BRMS1L: variants seen among roughly 807,000 people sequenced by gnomAD.
The protein encoded by BRMS1L is BRMS1 like transcriptional repressor, also known as breast cancer metastasis-suppressor 1-like protein.
A neutral mutation model predicts 50.3 loss-of-function variants in BRMS1L; 23 were observed. That is an observed-to-expected ratio of 0.46 (90% confidence interval 0.33 to 0.65). BRMS1L has a LOEUF of 0.65. Among genes scored for constraint, BRMS1L ranks in the 30% least tolerant of loss-of-function variants. The probability of loss-of-function intolerance (pLI) is 0.02; values close to 1 mark genes in which losing one functional copy is unlikely to be tolerated. For synonymous variants in BRMS1L, 114 were observed against 126.9 expected, an observed-to-expected ratio of 0.90 and a Z score of 0.69; for missense variants, 286 against 386.1, an observed-to-expected ratio of 0.74 and a Z score of 2.17.
At chr14:35,846,801 G>A (rs1248221413) in intron 4 of BRMS1L, among the ~76,000 whole-genome samples, 1 of 152,090 alleles carries the variant, frequency 6.6e-6, no homozygotes, top group Non-Finnish European at 1.5e-5. Context: ...TTGAGGAGAA[G>A]GACTTTGAAA....
intron 1 of BRMS1L, among the ~76,000 whole-genome samples, 172 bp from the exon 2 acceptor site, chr14:35,831,238 C>T (rs1481415898): frequency 6.6e-6 from 1 of 152,174 alleles, no homozygotes; most frequent in Non-Finnish European, 1.5e-5. Flanking sequence ...CTACGCCCAG[C>T]AGAAATTATT....
chr14:35,867,568 T>C (rs2078437744), intron 8 of BRMS1L, among the ~76,000 whole-genome samples: 1 of 152,196 alleles, frequency 6.6e-6, no homozygotes, highest in South Asian at 2.1e-4. Flanking sequence ...AAAAGTATAA[T>C]TTTCAATTGA....
intron 8 of BRMS1L, 98 bp downstream of exon 8, chr14:35,865,859 T>C (rs1454871509): frequency 3.7e-6 from 4 of 1,070,630 alleles, no homozygotes; most frequent in East Asian, 2.4e-5. Context: ...TCAGTGGTTT[T>C]ATTTCATCAG....
At chr14:35,868,181 G>A (rs1009622485) in intron 9 of BRMS1L, 149 bp downstream of exon 9, 1 of 603,608 alleles carries the variant, frequency 1.7e-6, no homozygotes, top group Non-Finnish European at 2.6e-6. Context: ...GATTACATGT[G>A]TGTACAGCAG....
At chr14:35,830,104 T>G (rs143321872) in intron 1 of BRMS1L, among the ~76,000 whole-genome samples, 105 of 152,344 alleles carry the variant, frequency 6.9e-4, no homozygotes, top group African/African-American at 2.4e-3. Flanking sequence ...AGTTTCGCTC[T>G]TGTTGCCCAG....
At chr14:35,841,655 G>A (rs1446443577) in intron 4 of BRMS1L, among the ~76,000 whole-genome samples, 2 of 152,200 alleles carry the variant, frequency 1.3e-5, no homozygotes, top group Non-Finnish European at 1.5e-5. Flanking sequence ...ACATCCTGTT[G>A]ATTTGGGGTG....
At chr14:35,839,479 G>A (rs1362025007) in intron 4 of BRMS1L, among the ~76,000 whole-genome samples, 2 of 152,124 alleles carry the variant, frequency 1.3e-5, no homozygotes, top group African/African-American at 2.4e-5. Flanking sequence ...CCATTTTCAC[G>A]ATACTGATTC....
chr14:35,839,990 G>A (rs1160165235), intron 4 of BRMS1L, among the ~76,000 whole-genome samples: 5 of 152,300 alleles, frequency 3.3e-5, no homozygotes, highest in South Asian at 2.1e-4. Context: ...CATTCAGTAT[G>A]ATATTTGCTG....
intron 4 of BRMS1L, among the ~76,000 whole-genome samples, chr14:35,855,319 T>C (rs1248433117): frequency 6.6e-6 from 1 of 152,210 alleles, no homozygotes; most frequent in Non-Finnish European, 1.5e-5. Flanking sequence ...CTTGAATTCC[T>C]GTTCTTCAAC....
intron 2 of BRMS1L, among the ~76,000 whole-genome samples, chr14:35,832,646 G>A (rs1182694401): frequency 6.6e-6 from 1 of 152,140 alleles, no homozygotes; most frequent in Non-Finnish European, 1.5e-5. Flanking sequence ...TTTAAACTCA[G>A]TGTTTAAATG....
intron 4 of BRMS1L, among the ~76,000 whole-genome samples, chr14:35,849,989 T>A (rs1296141526): frequency 6.6e-6 from 1 of 151,020 alleles, no homozygotes; most frequent in Non-Finnish European, 1.5e-5. Context: ...CTGGCTAATA[T>A]TTTTTGTATT....
chr14:35,858,583 T>C (rs2078311261), intron 4 of BRMS1L: 1 of 152,240 alleles, frequency 6.6e-6, no homozygotes, highest in Non-Finnish European at 1.5e-5. Flanking sequence ...GCAGTCTCAG[T>C]GGCCAGGAAT....
intron 4 of BRMS1L, among the ~76,000 whole-genome samples, chr14:35,836,534 G>A (rs562475504): frequency 2.0e-5 from 3 of 152,228 alleles, no homozygotes; most frequent in South Asian, 4.2e-4. Context: ...TAGAGAAGCG[G>A]TTCCACTATG....
At chr14:35,832,837 T>A (rs1236206259) in intron 2 of BRMS1L, 141 bp from the exon 3 acceptor site, 5 of 663,290 alleles carry the variant, frequency 7.5e-6, no homozygotes, top group Non-Finnish European at 1.2e-5. Flanking sequence ...AACTGAGTTC[T>A]CTGCTTGAGA....
At chr14:35,867,509 T>C (rs962603158) in intron 8 of BRMS1L, among the ~76,000 whole-genome samples, 1 of 152,236 alleles carries the variant, frequency 6.6e-6, no homozygotes, top group Non-Finnish European at 1.5e-5. Flanking sequence ...GGAACATGTA[T>C]TAAACTCTGC....
In BRMS1L at chr14:35,870,366, A is replaced by G. The variant is rs933055990; in HGVS notation, c.861A>G (p.Val287=). 1.3e-6 allele frequency: 2 copies of G among 1,572,114 alleles called. No individual in the cohort carries two copies. Among genetic ancestry groups the G allele is most frequent in the Non-Finnish European group, 1.7e-6 (2 of 1,150,000 alleles). The change falls in exon 10 of 10, where the codon GTA becomes GTG. Residue 287 remains valine (V), a synonymous_variant. Coordinates refer to ENST00000216807, the MANE Select transcript of BRMS1L (RefSeq NM_032352.4). The part of the protein sequence containing the change: ...DKKDECPTSA[V]ITTINHDEVW... ...CTTTTTTTTTTCTTTTTAGTGCTGT[A>G]ATTACAACAATTAACCATGATGAAG...
At chr14:35,841,989 C>CA (rs1282232734) in intron 4 of BRMS1L, among the ~76,000 whole-genome samples, 1 of 145,776 alleles carries the variant, frequency 6.9e-6, no homozygotes, top group Non-Finnish European at 1.5e-5. Flanking sequence ...ACTAGGATTG[C>CA]AATCTCTGCT....
chr14:35,826,793 C>A, intron 1 of BRMS1L, 135 bp downstream of exon 1: 1 of 1,300,794 alleles, frequency 7.7e-7, no homozygotes. Context: ...TGGCTCTGGG[C>A]CCTGGGCTGC....
At chr14:35,845,349 CTTT>C (rs1457747873) in intron 4 of BRMS1L, among the ~76,000 whole-genome samples, 1 of 152,114 alleles carries the variant, frequency 6.6e-6, no homozygotes, top group African/African-American at 2.4e-5. Flanking sequence ...ATGATATTTT[CTTT>C]TGAGTTTTGG....
Sources: gnomAD v4.1 joint callset for allele counts (sites outside exome capture counted in the v4.1 genomes callset) on GRCh38, gnomAD v4.1.1 for gene constraint, MANE v1.5 for transcripts, NCBI Gene and HGNC (gene_info 2026-07-23, HGNC 2026-07-21) for gene names.